Variants in MDM4 observed in about 807,000 individuals in gnomAD.
MDM4 encodes MDM4 regulator of p53, also known as protein Mdm4.
In MDM4, 2 loss-of-function variants were observed where a neutral mutation model predicts 60.2. The observed-to-expected ratio is 0.03, with a 90% confidence interval of 0.01 to 0.10. The LOEUF (loss-of-function observed/expected upper bound fraction) is 0.10. Ranked by LOEUF, MDM4 falls within the 10% of genes least tolerant of loss-of-function variation. The probability of loss-of-function intolerance (pLI) is 1.00; values close to 1 mark genes in which losing one functional copy is unlikely to be tolerated. For missense variants in MDM4, 447 were observed against 577.5 expected (o/e 0.77, Z 2.32); for synonymous variants, 202 against 198.1 (o/e 1.02, Z -0.17).
At chr1:204,522,919 A>G (rs911752653) in intron 1 of MDM4, among the ~76,000 whole-genome samples, 6 of 146,444 alleles carry the variant, frequency 4.1e-5, no homozygotes, top group East Asian at 4.2e-4. Flanking sequence ...TTGGAGTGCA[A>G]TGGTGCGATC....
In MDM4 at chr1:204,556,616, A is replaced by G. The variant is rs924510125; in HGVS notation, c.*6934A>G. On this transcript the variant is annotated 3_prime_UTR_variant, in exon 11 of 11. Transcript: ENST00000367182. The stretch of plus-strand genomic sequence containing the variant: ...GAGGCTGAGGTGGGAGGATCGCTTG[A>G]GCCTGGGAGGTGGAGGTTGCAGTGA... The G allele has an allele frequency of 9.9e-6, 2 of 201,410 alleles. No individual in the cohort carries two copies. The highest frequency in any genetic ancestry group is 2.0e-5 in the Non-Finnish European group (2 of 97,974). The allele number at this position is 201,410 out of a possible 1,614,324, so 12.5% of individuals were successfully genotyped here.
chr1:204,546,141 T>C (rs1662632213), intron 9 of MDM4, among the ~76,000 whole-genome samples: 1 of 152,196 alleles, frequency 6.6e-6, no homozygotes, highest in Non-Finnish European at 1.5e-5. Flanking sequence ...CCTGTCTGCT[T>C]AGATAAAAAA....
Position 204,546,781 on chromosome 1 carries a change from G to GT in MDM4, c.823-11dup. ...AACAAGTAAACATTACTAATGAGAT[G>GT]TTTTTGCCTTCACAGGTGATTGAAG... On this transcript the variant is annotated splice_polypyrimidine_tract_variant and intron_variant, in intron 9 of 10. Transcript: ENST00000367182. 1.9e-6 allele frequency: 3 copies of GT among 1,583,542 alleles called. No homozygotes were observed. The highest frequency in any genetic ancestry group is 2.6e-6 in the Non-Finnish European group (3 of 1,154,440).
intron 3 of MDM4, among the ~76,000 whole-genome samples, chr1:204,526,958 A>C (rs1660252725): frequency 6.6e-6 from 1 of 152,102 alleles, no homozygotes; most frequent in Non-Finnish European, 1.5e-5. Flanking sequence ...ATGAACCATG[A>C]ATTCATTGAT....
intron 1 of MDM4, 194 bp from the exon 2 acceptor site, chr1:204,525,290 C>T (rs1454156471): frequency 1.0e-6 from 1 of 980,182 alleles, no homozygotes; most frequent in South Asian, 4.7e-5. Flanking sequence ...ACGATTCTTA[C>T]TCTTAATTAA....
intron 3 of MDM4, among the ~76,000 whole-genome samples, chr1:204,526,873 T>C (rs948747168): frequency 8.5e-5 from 13 of 152,236 alleles, no homozygotes; most frequent in African/African-American, 3.1e-4. Context: ...GGGCAACTTA[T>C]ACTCTGTTTT....
rs1663336467 is a variant in MDM4, at chr1:204,553,012, A to G, written c.*3330A>G. On this transcript the variant is annotated 3_prime_UTR_variant, in exon 11 of 11. Transcript: ENST00000367182. ...TGCCTCAGCCTCCCAAGTAGCTGGG[A>G]TTACAGGTGTGCACCACCATGTCTG... 1 of 164,632 alleles carries G rather than the reference A, an allele frequency of 6.1e-6. No homozygotes were observed. Among genetic ancestry groups the G allele is most frequent in the Non-Finnish European group, 1.3e-5 (1 of 75,500 alleles). 10.2% of individuals were successfully genotyped at this position (164,632 alleles called of 1,614,324 possible). A position where few individuals can be genotyped will look rare whatever the true frequency, so the allele number is the denominator to read the frequency against.
At chr1:204,532,140 CTTCA>C (rs1558319555) in intron 4 of MDM4, 47 bp from the exon 5 acceptor site, 1 of 1,086,370 alleles carries the variant, frequency 9.2e-7, no homozygotes, top group Admixed American at 1.7e-5. Flanking sequence ...CCACTGATAT[CTTCA>C]TAGTGGCATT....
intron 1 of MDM4, among the ~76,000 whole-genome samples, chr1:204,517,946 G>A (rs1340950069): frequency 6.6e-6 from 1 of 151,766 alleles, no homozygotes. Context: ...AGGTTTGCTT[G>A]AGTCTCGGAG....
chr1:204,545,472 G>T (rs1662568066), intron 9 of MDM4, among the ~76,000 whole-genome samples: 3 of 152,260 alleles, frequency 2.0e-5, no homozygotes, highest in South Asian at 2.1e-4. Flanking sequence ...GCATGTAGAA[G>T]AGTGTTGGTA....
chr1:204,533,658 A>C (rs1363125219), intron 5 of MDM4, among the ~76,000 whole-genome samples: 6 of 152,182 alleles, frequency 3.9e-5, no homozygotes, highest in African/African-American at 1.2e-4. Context: ...GCACTTGGCC[A>C]CTGCCACTGT....
chr1:204,551,844 T>C lies in MDM4; in HGVS notation c.*2162T>C, dbSNP rs115760049. 5,589 of 214,642 alleles carry C rather than the reference T, an allele frequency of 0.026. 134 individuals are homozygous for C. Among genetic ancestry groups the C allele is most frequent in the East Asian group, 0.073 (1,051 of 14,420 alleles). 13.3% of individuals were successfully genotyped at this position (214,642 alleles called of 1,614,324 possible). Reference sequence around the variant, plus strand: ...TGTTCCTGGAATCTCTATGCAAGTTTTATACAGAACATACTTTTGGAATCC... The same window carrying C: ...TGTTCCTGGAATCTCTATGCAAGTTCTATACAGAACATACTTTTGGAATCC... On this transcript the variant is annotated 3_prime_UTR_variant, in exon 11 of 11. Transcript: ENST00000367182.
intron 3 of MDM4, among the ~76,000 whole-genome samples, chr1:204,527,963 A>AT (rs1660392092): frequency 6.6e-6 from 1 of 151,562 alleles, no homozygotes; most frequent in Non-Finnish European, 1.5e-5. Context: ...GGCATTTCTG[A>AT]TTTTTTAGAA....
chr1:204,523,619 G>C (rs1659808359), intron 1 of MDM4, among the ~76,000 whole-genome samples: 1 of 151,402 alleles, frequency 6.6e-6, no homozygotes, highest in Admixed American at 6.6e-5. Flanking sequence ...TAGTAGTTGG[G>C]ACTGCAGGCT....
At chr1:204,547,949 T>G (rs1186945544) in intron 10 of MDM4, among the ~76,000 whole-genome samples, 1 of 152,244 alleles carries the variant, frequency 6.6e-6, no homozygotes, top group Admixed American at 6.5e-5. Flanking sequence ...CTTGAACTTC[T>G]GATCTCAGGT....
chr1:204,551,459 CTCTTTTTTT>C lies in MDM4; in HGVS notation c.*1779_*1787del, dbSNP rs1663194280. 2.7e-4 allele frequency: 41 copies of C among 151,824 alleles called. 1 individual carries two copies. Among genetic ancestry groups the C allele is most frequent in the Non-Finnish European group, 4.1e-4 (37 of 90,942 alleles). The allele number at this position is 151,824 out of a possible 1,614,324, so 9.4% of individuals were successfully genotyped here. A position where few individuals can be genotyped will look rare whatever the true frequency, so the allele number is the denominator to read the frequency against. ...ATATACTGGATGGTTGAGAGGCAGC[CTCTTTTTTT>C]TTTTTTTTTTTTTTTTTTTTTTGGA... On this transcript the variant is annotated 3_prime_UTR_variant, in exon 11 of 11. Transcript: ENST00000367182.
At chr1:204,525,628 G>GTTT in intron 2 of MDM4, 32 bp downstream of exon 2, 100 of 1,111,448 alleles carry the variant, frequency 9.0e-5, no homozygotes, top group South Asian at 1.2e-4. Flanking sequence ...TAGTTTTTTG[G>GTTT]TTTTTTTTTT....
intron 3 of MDM4, among the ~76,000 whole-genome samples, chr1:204,529,903 G>A (rs1440460968): frequency 6.6e-6 from 1 of 152,124 alleles, no homozygotes; most frequent in East Asian, 1.9e-4. Flanking sequence ...TAGAGCCAGG[G>A]TCTTACTCTG....
At chr1:204,537,568 C>G in intron 6 of MDM4, 71 bp downstream of exon 6, 9 of 1,023,740 alleles carry the variant, frequency 8.8e-6, no homozygotes, top group Non-Finnish European at 1.4e-5. Context: ...GGATCTTGGA[C>G]TCCCAAGACC....
Sources: allele counts gnomAD v4.1 joint callset (sites outside exome capture counted in the v4.1 genomes callset), GRCh38; gene constraint gnomAD v4.1.1; transcripts MANE v1.5; gene names NCBI Gene and HGNC (gene_info 2026-07-23, HGNC 2026-07-21).